The following FAM193A variants were observed in gnomAD, a reference collection of about 807,000 sequenced individuals.
FAM193A encodes protein FAM193A.
In FAM193A, 22 loss-of-function variants were observed where a neutral mutation model predicts 126.5. The ratio of observed to expected loss-of-function variants is 0.17; its 90% CI spans 0.12 to 0.25. The LOEUF (loss-of-function observed/expected upper bound fraction) is 0.25, where lower values mean the gene tolerates loss of function less well. Ranked by LOEUF, FAM193A falls within the 10% of genes least tolerant of loss-of-function variation. FAM193A has a pLI of 1.00. For synonymous variants in FAM193A, 761 were observed against 646.8 expected, an observed-to-expected ratio of 1.18 and a Z score of -2.68; for missense variants, 1,675 against 1,672.8, an observed-to-expected ratio of 1.00 and a Z score of -0.02.
At chr4:2,722,541 C>CA (rs1188073495) in intron 20 of FAM193A, among the ~76,000 whole-genome samples, 1 of 152,118 alleles carries the variant, frequency 6.6e-6, no homozygotes, top group Admixed American at 6.5e-5. Context: ...TAGTGATTGT[C>CA]AGAGTTAGGA....
At chr4:2,653,523 A>C (rs1745876992) in intron 7 of FAM193A, among the ~76,000 whole-genome samples, 1 of 152,010 alleles carries the variant, frequency 6.6e-6, no homozygotes, top group Non-Finnish European at 1.5e-5. Context: ...GGCTCACTGC[A>C]ACCTCTGCCT....
At chr4:2,600,987 G>A (rs922679453) in intron 2 of FAM193A, among the ~76,000 whole-genome samples, 2 of 152,210 alleles carry the variant, frequency 1.3e-5, no homozygotes, top group Non-Finnish European at 2.9e-5. Context: ...CACCAGCGTG[G>A]CACATGCCTG....
chr4:2,668,950 C>T (rs376351084), intron 12 of FAM193A, among the ~76,000 whole-genome samples: 7 of 152,116 alleles, frequency 4.6e-5, no homozygotes, highest in African/African-American at 1.7e-4. Context: ...TCAAGCAGTT[C>T]TCCTGCCTCA....
chr4:2,670,591 T>G (rs1389099312), intron 12 of FAM193A, among the ~76,000 whole-genome samples: 2 of 152,026 alleles, frequency 1.3e-5, no homozygotes, highest in Non-Finnish European at 2.9e-5. Flanking sequence ...CCCCAAGTAC[T>G]TGGGACTACA....
At chr4:2,687,194 A>G (rs1017363012) in intron 13 of FAM193A, among the ~76,000 whole-genome samples, 2 of 152,122 alleles carry the variant, frequency 1.3e-5, no homozygotes, top group Non-Finnish European at 2.9e-5. Flanking sequence ...AAGAAGGGCA[A>G]GGTGGAAAGG....
chr4:2,546,074 G>A (rs984097475), intron 1 of FAM193A, among the ~76,000 whole-genome samples: 22 of 152,124 alleles, frequency 1.4e-4, no homozygotes, highest in African/African-American at 4.1e-4. Flanking sequence ...CTTGAACCCA[G>A]GAAGCAGAGG....
At chr4:2,630,152 G>A (rs1299910294) in intron 4 of FAM193A, among the ~76,000 whole-genome samples, 1 of 151,396 alleles carries the variant, frequency 6.6e-6, no homozygotes, top group Non-Finnish European at 1.5e-5. Context: ...AAAAAATGTG[G>A]ATTATCATAC....
At chr4:2,569,132 G>C (rs920491162) in intron 1 of FAM193A, among the ~76,000 whole-genome samples, 15 of 151,800 alleles carry the variant, frequency 9.9e-5, no homozygotes, top group African/African-American at 3.4e-4. Context: ...ACCGCACCTG[G>C]GTAATTTTTT....
At chr4:2,547,604 C>CTGTGTGTGTGTGTGTGTGTCTG (rs1737644699) in intron 1 of FAM193A, among the ~76,000 whole-genome samples, 2 of 144,870 alleles carry the variant, frequency 1.4e-5, no homozygotes, top group African/African-American at 5.1e-5. Flanking sequence ...GTGTGTGTGT[C>CTGTGTGTGTGTGTGTGTGTCTG]TGTGTGTGTG....
At chr4:2,609,806 G>A (rs1027229244) in intron 2 of FAM193A, among the ~76,000 whole-genome samples, 27 of 152,082 alleles carry the variant, frequency 1.8e-4, no homozygotes, top group Admixed American at 1.8e-3. Flanking sequence ...TTGTGCATCT[G>A]TAGTCCCAGC....
chr4:2,683,137 A>G (rs1349051576), intron 13 of FAM193A, among the ~76,000 whole-genome samples: 3 of 152,070 alleles, frequency 2.0e-5, no homozygotes, highest in Non-Finnish European at 4.4e-5. Flanking sequence ...TTTTCTTTGA[A>G]CACTTTAGAA....
Position 2,604,468 on chromosome 4 carries a change from T to C in FAM193A, c.501+8139T>C, listed in dbSNP as rs190088592. Among the ~76,000 whole-genome samples, 6 of 152,314 alleles carry C rather than the reference T, an allele frequency of 3.9e-5. No homozygotes were observed. The East Asian group carries it at 1.2e-3, about 29-fold the overall frequency. On this transcript the variant is annotated intron_variant, in intron 2 of 20. Transcript: ENST00000637812. The stretch of plus-strand genomic sequence containing the variant: ...TGAATGTGTCTTTTTCCTGTCTTCC[T>C]TAAAAAGTTTGTTTTGCTTTACATA...
chr4:2,622,828 C>G (rs544882001), intron 2 of FAM193A, among the ~76,000 whole-genome samples: 1 of 152,192 alleles, frequency 6.6e-6, no homozygotes, highest in South Asian at 2.1e-4. Context: ...TAATCACCAC[C>G]TAAAGGCCCT....
At position 2,662,891 on chromosome 4, in the gene FAM193A, A is replaced by G. The variant is rs1464852940; in HGVS notation, c.1799A>G (p.Tyr600Cys). The change falls in exon 11 of 21, where the codon TAT becomes TGT. Residue 600 changes from tyrosine to cysteine, a missense_variant. Transcript: ENST00000637812. ...TTGTCAGCCAAATTTGCTGATATTT[A>G]TCCATTGAGTAATTATGATGATACC... ...APLSAKFADIYPLSNYDDTEV... is the reference protein window; with the variant it reads ...APLSAKFADICPLSNYDDTEV... 6.2e-7 allele frequency: 1 copy of G among 1,612,968 alleles called. No individual in the cohort carries two copies. Among genetic ancestry groups the G allele is most frequent in the South Asian group, 1.1e-5 (1 of 91,056 alleles).
chr4:2,644,676 G>T (rs1278500726), intron 6 of FAM193A, among the ~76,000 whole-genome samples: 6 of 152,164 alleles, frequency 3.9e-5, no homozygotes, highest in African/African-American at 1.4e-4. Flanking sequence ...TCCCTGGAGA[G>T]ACTGCAATAG....
At position 2,696,580 on chromosome 4, in the gene FAM193A, A is replaced by G; in HGVS notation, c.3494A>G (p.His1165Arg). ...ACGCGTGCAGCGAAGCGAGCAAGGC[A>G]TAAGCAAAGGAAGGCAAGTGACAGT... Reference protein sequence around the residue: ...SSTRAAKRARHKQRKLEEKAR... With the variant: ...SSTRAAKRARRKQRKLEEKAR... The change falls in exon 18 of 21, where the codon CAT becomes CGT. Residue 1165 changes from histidine to arginine, a missense_variant. Coordinates refer to ENST00000637812, the MANE Select transcript of FAM193A (RefSeq NM_001366318.2). 6.2e-7 allele frequency: 1 copy of G among 1,614,078 alleles called. No individual in the cohort carries two copies. The highest frequency in any genetic ancestry group is 8.5e-7 in the Non-Finnish European group (1 of 1,179,902).
chr4:2,719,781 TCCCTCCCTCCC>T (rs1560613981), intron 20 of FAM193A, among the ~76,000 whole-genome samples: 1 of 29,768 alleles, frequency 3.4e-5, no homozygotes, highest in Non-Finnish European at 7.6e-5. Context: ...CCTCCCTCCC[TCCCTCCCTCCC>T]TCCCTTCCTT....
intron 1 of FAM193A, among the ~76,000 whole-genome samples, chr4:2,593,263 C>T (rs1740671189): frequency 1.3e-5 from 2 of 152,124 alleles, no homozygotes; most frequent in South Asian, 2.1e-4. Context: ...TGCAGATAGT[C>T]GTTTCTTCCC....
chr4:2,603,317 G>A (rs1266705228), intron 2 of FAM193A, among the ~76,000 whole-genome samples: 2 of 139,456 alleles, frequency 1.4e-5, no homozygotes, highest in African/African-American at 2.7e-5. Context: ...GGAGTTTCAC[G>A]CTTGTTGCCC....
Sources: allele counts gnomAD v4.1 joint callset (sites outside exome capture counted in the v4.1 genomes callset), GRCh38; gene constraint gnomAD v4.1.1; transcripts MANE v1.5; gene names NCBI Gene and HGNC (gene_info 2026-07-23, HGNC 2026-07-21).